QSOX2: variants seen among roughly 807,000 people sequenced by gnomAD.
QSOX2 encodes the protein sulfhydryl oxidase 2.
In QSOX2, 46 loss-of-function variants were observed where a neutral mutation model predicts 61.7. The ratio of observed to expected loss-of-function variants is 0.75; its 90% CI spans 0.59 to 0.95. The LOEUF (loss-of-function observed/expected upper bound fraction) is 0.95. QSOX2 is among the 40% of genes least tolerant of loss of function. The pLI, the probability that QSOX2 is intolerant of heterozygous loss-of-function variation, is 0.00. For synonymous variants in QSOX2, 383 were observed against 388.4 expected (o/e 0.99, Z 0.16); for missense variants, 879 against 918.9 (o/e 0.96, Z 0.56).
At chr9:136,226,939 G>C in intron 1 of QSOX2, 65 bp from the exon 2 acceptor site, 1 of 1,420,616 alleles carries the variant, frequency 7.0e-7, no homozygotes, top group Non-Finnish European at 1.0e-6. Flanking sequence ...CCAGGACCCA[G>C]CAGTCCCCAC....
chr9:136,228,835 C>A (rs62579021), intron 1 of QSOX2, among the ~76,000 whole-genome samples: 5,994 of 152,280 alleles, frequency 0.039, 199 homozygotes, highest in African/African-American at 0.086. Flanking sequence ...CCTTGTATTC[C>A]GATTCTGCCC....
chr9:136,228,897 C>G (rs1353199902), intron 1 of QSOX2, among the ~76,000 whole-genome samples: 1 of 152,150 alleles, frequency 6.6e-6, no homozygotes, highest in East Asian at 1.9e-4. Context: ...GAGTAAGAGT[C>G]TTTTCTGAGA....
At chr9:136,232,801 G>C (rs1830342817) in intron 1 of QSOX2, among the ~76,000 whole-genome samples, 1 of 151,542 alleles carries the variant, frequency 6.6e-6, no homozygotes, top group African/African-American at 2.4e-5. Flanking sequence ...AGGCACGGTG[G>C]TCCCAGCTAC....
At chr9:136,214,713 G>A (rs1352231298) in intron 10 of QSOX2, among the ~76,000 whole-genome samples, 1 of 152,198 alleles carries the variant, frequency 6.6e-6, no homozygotes, top group Non-Finnish European at 1.5e-5. Flanking sequence ...GCCATGCCCG[G>A]CCCTCAGAAA....
chr9:136,212,549 ACCT>A (rs1274178562), intron 10 of QSOX2, among the ~76,000 whole-genome samples: 2 of 151,980 alleles, frequency 1.3e-5, no homozygotes, highest in Non-Finnish European at 2.9e-5. Flanking sequence ...AGAGCAGACC[ACCT>A]CCTCCTCAGC....
Position 136,245,700 on chromosome 9 carries a change from C to T in QSOX2, c.104G>A (p.Arg35Gln). Residue 35 changes from arginine to glutamine, a missense_variant, in exon 1 of 12, where the codon CGG becomes CAG. By Grantham distance (43) the Arg-to-Gln change is conservative (BLOSUM62 1). Transcript: ENST00000358701. ...CGCCGCCGCTAGCAGCACTAGCAGC[C>T]GCGGCAGCCGTGCGGCCCGCGGCGG... ...SPPPRAARLPRLLVLLAAAAV... is the reference protein window; with the variant it reads ...SPPPRAARLPQLLVLLAAAAV... The T allele has an allele frequency of 8.6e-7, 1 of 1,161,850 alleles. No individual in the cohort carries two copies. The highest frequency in any genetic ancestry group is 1.1e-6 in the Non-Finnish European group (1 of 944,468). The allele number at this position is 1,161,850 out of a possible 1,614,324, so 72.0% of individuals were successfully genotyped here.
At position 136,209,588 on chromosome 9, in the gene QSOX2, C is replaced by T. The variant is rs1168410168; in HGVS notation, c.1550-313G>A. The T allele has an allele frequency of 2.3e-5, 23 of 985,274 alleles. No individual in the cohort carries two copies. The highest frequency in any genetic ancestry group is 2.7e-5 in the Non-Finnish European group (22 of 829,930). 61.0% of individuals were successfully genotyped at this position (985,274 alleles called of 1,614,324 possible). On this transcript the variant is annotated intron_variant, in intron 11 of 11. Coordinates refer to ENST00000358701, the MANE Select transcript of QSOX2 (RefSeq NM_181701.4). The surrounding 1 kb of genome is among the most constrained non-coding windows in gnomAD (Gnocchi z 5.6). ...CACCTGTCCCAAACCACCCAGCACT[C>T]CACTTCCAAAACGGAGCATGCAGCT... is the stretch of plus-strand genomic sequence containing the variant.
chr9:136,213,569 C>G (rs1831874358), intron 10 of QSOX2, among the ~76,000 whole-genome samples: 1 of 151,436 alleles, frequency 6.6e-6, no homozygotes, highest in Non-Finnish European at 1.5e-5. Flanking sequence ...ACCCTCTCCC[C>G]CAACCAGACC....
chr9:136,240,597 A>T (rs1403751137), intron 1 of QSOX2, among the ~76,000 whole-genome samples: 1 of 152,158 alleles, frequency 6.6e-6, no homozygotes. Flanking sequence ...CTTCTTAGCT[A>T]AGCTCCAAGT....
chr9:136,235,244 G>A (rs1033896560), intron 1 of QSOX2, among the ~76,000 whole-genome samples: 1 of 152,228 alleles, frequency 6.6e-6, no homozygotes, highest in Admixed American at 6.5e-5. Context: ...TGCTGGCACA[G>A]CACACCCCCC....
At chr9:136,244,945 C>T (rs1296091612) in intron 1 of QSOX2, among the ~76,000 whole-genome samples, 2 of 152,110 alleles carry the variant, frequency 1.3e-5, no homozygotes, top group Non-Finnish European at 2.9e-5. Flanking sequence ...ACTATATGGC[C>T]AGCGATCCGA....
rs1415399730 is a variant in QSOX2, at chr9:136,245,445, C to T, written c.328+31G>A. On this transcript the variant is annotated intron_variant, in intron 1 of 11. Coordinates refer to ENST00000358701, the MANE Select transcript of QSOX2 (RefSeq NM_181701.4). ...CCCGGAAGGCCGCGGTCCCGGGGGT[C>T]GGGGGGTCCCCGCGCGGGGGCGCGC... 6 of 1,547,948 alleles carry T rather than the reference C, an allele frequency of 3.9e-6. No homozygotes were observed. In the African/African-American group the frequency reaches 5.6e-5, roughly 14 times the overall value.
chr9:136,216,666 C>T lies in QSOX2; in HGVS notation c.1143G>A (p.Leu381=), dbSNP rs1451837643. Reference sequence around the variant, plus strand: ...GGATCCTGTCCAGGGGAAGGCTGGCCAGCCACTCCTGCAGCATCTCCAACA... The same window carrying T: ...GGATCCTGTCCAGGGGAAGGCTGGCTAGCCACTCCTGCAGCATCTCCAACA... ...KKLLEMLQEW[L]ASLPLDRIPY... is the part of the protein sequence containing the mutation. The change falls in exon 9 of 12, where the codon CTG becomes CTA. Residue 381 remains leucine (L), a synonymous_variant. Transcript: ENST00000358701. 1.5e-5 allele frequency: 24 copies of T among 1,613,966 alleles called. No homozygotes were observed. The highest frequency in any genetic ancestry group is 2.0e-5 in the Non-Finnish European group (24 of 1,180,002).
intron 2 of QSOX2, among the ~76,000 whole-genome samples, chr9:136,226,013 T>C (rs72773793): frequency 0.011 from 1,666 of 152,202 alleles, 16 homozygotes; most frequent in Non-Finnish European, 0.019. Flanking sequence ...GCGTGGCACC[T>C]GTTAGGGCAG....
chr9:136,243,634 C>T (rs1830449328), intron 1 of QSOX2, among the ~76,000 whole-genome samples: 1 of 152,264 alleles, frequency 6.6e-6, no homozygotes, highest in Non-Finnish European at 1.5e-5. Flanking sequence ...CTTAGGACCT[C>T]TTGACACTGT....
In QSOX2 at chr9:136,233,355, G is replaced by T. The variant is rs546400532; in HGVS notation, c.329-6481C>A. Among the ~76,000 whole-genome samples, 14 of 152,254 alleles carry T rather than the reference G, an allele frequency of 9.2e-5. No individual in the cohort carries two copies. The South Asian group carries it at 1.0e-3, about 11-fold the overall frequency. On this transcript the variant is annotated intron_variant, in intron 1 of 11. Coordinates refer to ENST00000358701, the MANE Select transcript of QSOX2 (RefSeq NM_181701.4). ...ACGAAGAACTCATGAGTTCAACACC[G>T]AAGGCTTCATCAGTCTACCTGCTCC...
At chr9:136,212,019 G>A (rs1013883307) in intron 10 of QSOX2, among the ~76,000 whole-genome samples, 8 of 152,250 alleles carry the variant, frequency 5.3e-5, no homozygotes, top group Admixed American at 6.5e-5. Flanking sequence ...AGCCACGGGC[G>A]TGAGGATGTG....
In QSOX2 at chr9:136,208,535, A is replaced by G; in HGVS notation, c.*193T>C. 1 of 623,066 alleles carries G rather than the reference A, an allele frequency of 1.6e-6. No homozygotes were observed. Among genetic ancestry groups the G allele is most frequent in the Non-Finnish European group, 2.7e-6 (1 of 376,732 alleles). 38.6% of individuals were successfully genotyped at this position (623,066 alleles called of 1,614,324 possible). A position where few individuals can be genotyped will look rare whatever the true frequency, so the allele number is the denominator to read the frequency against. ...GCCAGGAATGCAAATATCCCCACAA[A>G]ATTACCCCGTGTTCTTCCCTTGTTA... On this transcript the variant is annotated 3_prime_UTR_variant, in exon 12 of 12. Transcript: ENST00000358701.
chr9:136,214,342 G>A (rs907473581), intron 10 of QSOX2, among the ~76,000 whole-genome samples: 23 of 152,180 alleles, frequency 1.5e-4, no homozygotes, highest in African/African-American at 3.9e-4. Flanking sequence ...CTATACTCAC[G>A]CCTCCTGTAA....
Sources: allele counts gnomAD v4.1 joint callset (sites outside exome capture counted in the v4.1 genomes callset), GRCh38; gene constraint gnomAD v4.1.1; non-coding constraint Gnocchi (gnomAD v3.1); transcripts MANE v1.5; gene names NCBI Gene and HGNC (gene_info 2026-07-23, HGNC 2026-07-21).